ADCY9: variants seen among roughly 807,000 people sequenced by gnomAD.
ADCY9 encodes adenylate cyclase type 9.
ADCY9 carries 50 observed loss-of-function variants against 101.5 expected under a neutral mutation model. That is an observed-to-expected ratio of 0.49 (90% confidence interval 0.39 to 0.62). ADCY9 has a LOEUF of 0.62. Among genes scored for constraint, ADCY9 ranks in the 20% least tolerant of loss-of-function variants. The pLI is 0.00. For synonymous variants in ADCY9, 905 were observed against 769.3 expected (o/e 1.18, Z -2.92); for missense variants, 1,662 against 1,800.4 (o/e 0.92, Z 1.39).
rs1199834355 is a variant in ADCY9 at position 3,977,636 on chromosome 16, A to C, written c.2680-6T>G. On this transcript the variant is annotated splice_polypyrimidine_tract_variant and splice_region_variant and intron_variant, in intron 8 of 10. Coordinates refer to ENST00000294016, the MANE Select transcript of ADCY9 (RefSeq NM_001116.4). ...GAGCCTGTGAACACTGGGAACTGCA[A>C]GAGGCGAAGGGTTAGGACAGCCGCC... 4.3e-6 allele frequency: 7 copies of C among 1,612,674 alleles called. No homozygotes were observed. The highest frequency in any genetic ancestry group is 5.9e-6 in the Non-Finnish European group (7 of 1,179,766).
rs1028957533 is a variant in ADCY9, at chr16:4,057,041, C to T, written c.1694-49483G>A. On this transcript the variant is annotated intron_variant, in intron 2 of 10. Coordinates refer to ENST00000294016, the MANE Select transcript of ADCY9 (RefSeq NM_001116.4). ...GGTAACCTGTACTGATGAAACCGCC[C>T]CCCCCCCCCCCGCCAATCTTACTCT... Among the ~76,000 whole-genome samples, 219 of 47,578 alleles carry T rather than the reference C, an allele frequency of 4.6e-3. 9 individuals are homozygous for T. The highest frequency in any genetic ancestry group is 0.016 in the African/African-American group (208 of 12,876). 31.2% of individuals were successfully genotyped at this position (47,578 alleles called of 152,430 possible). A position where few individuals can be genotyped will look rare whatever the true frequency, so the allele number is the denominator to read the frequency against.
chr16:4,027,205 C>A (rs931804708), intron 2 of ADCY9, among the ~76,000 whole-genome samples: 1 of 152,246 alleles, frequency 6.6e-6, no homozygotes, highest in African/African-American at 2.4e-5. Flanking sequence ...CTCGAGCCTG[C>A]TCCCACTCCG....
intron 3 of ADCY9, among the ~76,000 whole-genome samples, chr16:3,993,780 C>T (rs977580281): frequency 3.3e-5 from 5 of 152,160 alleles, no homozygotes; most frequent in Admixed American, 2.0e-4. Context: ...GTGGTCTATT[C>T]GAACAATGGG....
chr16:4,007,355 CA>C lies in ADCY9; in HGVS notation c.1884+12del. On this transcript the variant is annotated intron_variant, in intron 3 of 10. Transcript: ENST00000294016. ...AGTTTTAGAAGTAGGAAAAAAAAAA[CA>C]AAAAAACTAACCTTAAGGTTATCAA... 5 of 1,510,102 alleles carry C rather than the reference CA, an allele frequency of 3.3e-6. No homozygotes were observed. The highest frequency in any genetic ancestry group is 2.3e-5 in the East Asian group (1 of 42,780). 93.5% of individuals were successfully genotyped at this position (1,510,102 alleles called of 1,614,324 possible). A position where few individuals can be genotyped will look rare whatever the true frequency, so the allele number is the denominator to read the frequency against.
intron 2 of ADCY9, among the ~76,000 whole-genome samples, chr16:4,026,468 C>A (rs547482316): frequency 3.4e-4 from 51 of 149,850 alleles, no homozygotes; most frequent in Admixed American, 1.5e-3. Context: ...AATGACCATA[C>A]ACCCAGAAAC....
chr16:4,113,241 A>G (rs991336438), intron 2 of ADCY9, among the ~76,000 whole-genome samples: 1 of 151,992 alleles, frequency 6.6e-6, no homozygotes, highest in African/African-American at 2.4e-5. Flanking sequence ...CTAATTCTCC[A>G]GAGACCTGCA....
intron 8 of ADCY9, among the ~76,000 whole-genome samples, chr16:3,977,925 C>T (rs926400692): frequency 6.6e-6 from 1 of 152,134 alleles, no homozygotes; most frequent in Non-Finnish European, 1.5e-5. Flanking sequence ...CCATGTTGGC[C>T]AGGCTGGTCT....
chr16:4,016,812 C>G (rs1235516785), intron 2 of ADCY9, among the ~76,000 whole-genome samples: 1 of 152,066 alleles, frequency 6.6e-6, no homozygotes, highest in Admixed American at 6.6e-5. Flanking sequence ...TGAGTGGCTG[C>G]CATGGGTTTA....
intron 2 of ADCY9, among the ~76,000 whole-genome samples, chr16:4,029,322 C>T (rs889875456): frequency 6.6e-6 from 1 of 152,016 alleles, no homozygotes; most frequent in African/African-American, 2.4e-5. Context: ...ATGCCAATTG[C>T]CAATATTTGA....
rs369874673 is a variant in ADCY9, at chr16:3,966,804, G to A, written c.3033C>T (p.Asp1011=). The change falls in exon 11 of 11, where the codon GAC becomes GAT. Residue 1011 remains aspartate (D), a synonymous_variant. Coordinates refer to ENST00000294016, the MANE Select transcript of ADCY9 (RefSeq NM_001116.4). ...TGGTGCGGTGAAGATCCGCTTCCAC[G>A]TCTCCGTGGTAGTGGAGGCGGTAGC... ...EVSYRLHYHG[D]VEADLHRTKI... The A allele has an allele frequency of 1.2e-5, 19 of 1,614,076 alleles. No homozygotes were observed. The highest frequency in any genetic ancestry group is 2.7e-5 in the African/African-American group (2 of 74,930).
intron 3 of ADCY9, among the ~76,000 whole-genome samples, chr16:3,996,743 G>A (rs1212695776): frequency 2.0e-5 from 3 of 152,238 alleles, no homozygotes; most frequent in East Asian, 1.9e-4. Context: ...CTTGATTACA[G>A]ACAGAACAGC....
intron 2 of ADCY9, among the ~76,000 whole-genome samples, chr16:4,080,718 G>T (rs148537908): frequency 1.1e-3 from 156 of 143,698 alleles, no homozygotes; most frequent in African/African-American, 3.7e-3. Flanking sequence ...CATTTTTTTC[G>T]TTTTTTTTTT....
intron 10 of ADCY9, among the ~76,000 whole-genome samples, chr16:3,974,101 G>T (rs1042384986): frequency 6.6e-6 from 1 of 152,306 alleles, no homozygotes; most frequent in African/African-American, 2.4e-5. Context: ...GAGTGCAGTG[G>T]CACAATCTTG....
intron 5 of ADCY9, among the ~76,000 whole-genome samples, chr16:3,955,560 T>A (rs2055902442): frequency 6.6e-6 from 1 of 152,148 alleles, no homozygotes. Context: ...GTTTGTTTGT[T>A]TTAGACGGAG....
chr16:3,973,016 A>C (rs902258487), intron 10 of ADCY9, among the ~76,000 whole-genome samples: 4 of 152,158 alleles, frequency 2.6e-5, no homozygotes, highest in African/African-American at 9.7e-5. Flanking sequence ...CCTAAGTATA[A>C]ATCTTGTACA....
intron 2 of ADCY9, among the ~76,000 whole-genome samples, chr16:4,084,542 ACAG>A (rs1260054297): frequency 1.3e-5 from 2 of 152,074 alleles, no homozygotes; most frequent in African/African-American, 4.8e-5. Flanking sequence ...ACTGGACAAC[ACAG>A]TGAGACCCCA....
At chr16:4,021,231 C>T (rs2056474206) in intron 2 of ADCY9, among the ~76,000 whole-genome samples, 1 of 152,234 alleles carries the variant, frequency 6.6e-6, no homozygotes. Context: ...TGCTCTCCAA[C>T]CGCATTGGGC....
intron 2 of ADCY9, among the ~76,000 whole-genome samples, chr16:4,106,214 T>C (rs2057075946): frequency 6.6e-6 from 1 of 152,228 alleles, no homozygotes. Flanking sequence ...TCTTCTTCGC[T>C]GAAGTTGACT....
intron 2 of ADCY9, among the ~76,000 whole-genome samples, chr16:4,086,970 T>G (rs576642838): frequency 1.3e-5 from 2 of 151,806 alleles, no homozygotes; most frequent in East Asian, 3.9e-4. Context: ...CTCCAAAGCT[T>G]CTTCATTCTC....
Sources: gnomAD v4.1 joint callset for allele counts (sites outside exome capture counted in the v4.1 genomes callset) on GRCh38, gnomAD v4.1.1 for gene constraint, MANE v1.5 for transcripts, NCBI Gene and HGNC (gene_info 2026-07-23, HGNC 2026-07-21) for gene names.